Variants in STS observed in about 807,000 individuals in gnomAD.
STS encodes steroid sulfatase.
A neutral mutation model predicts 26.8 loss-of-function variants in STS; 7 were observed. That is an observed-to-expected ratio of 0.26 (90% CI 0.15 to 0.49). STS has a LOEUF of 0.49. Among genes scored for constraint, STS ranks in the 20% least tolerant of loss-of-function variants. The pLI is 0.98. For synonymous variants in STS, 199 were observed against 189.4 expected, an observed-to-expected ratio of 1.05 and a Z score of -0.42; for missense variants, 434 against 465.6, an observed-to-expected ratio of 0.93 and a Z score of 0.63.
intron 1 of STS, among the ~76,000 whole-genome samples, chrX:7,181,696 A>G (rs1428781366): frequency 8.9e-6 from 1 of 112,123 alleles, no homozygotes; most frequent in African/African-American, 3.2e-5. Context: ...AAAACTTGGC[A>G]GCAGTTTCAG....
intron 1 of STS, among the ~76,000 whole-genome samples, chrX:7,157,995 G>C (rs1933169205): frequency 8.9e-6 from 1 of 112,314 alleles, no homozygotes; most frequent in Non-Finnish European, 1.9e-5. Flanking sequence ...AGCAAGGAGA[G>C]AAGTGGGGGC....
At chrX:7,215,214 A>G (rs188744387) in intron 2 of STS, among the ~76,000 whole-genome samples, 10 of 104,236 alleles carry the variant, frequency 9.6e-5, no homozygotes, top group African/African-American at 3.2e-4. Context: ...CTGGTTCCAC[A>G]TTTTTGCAAT....
chrX:7,254,007 G>A (rs1322108255), intron 3 of STS, among the ~76,000 whole-genome samples: 2 of 112,041 alleles, frequency 1.8e-5, no homozygotes, highest in Non-Finnish European at 3.8e-5. Context: ...GAAGGGGGGA[G>A]GGAGCTCTCT....
intron 7 of STS, among the ~76,000 whole-genome samples, chrX:7,297,673 C>T (rs1353676481): frequency 9.0e-6 from 1 of 111,646 alleles, no homozygotes; most frequent in Non-Finnish European, 1.9e-5. Context: ...GCATTGGGTA[C>T]GTCCACCCAT....
At chrX:7,299,187 T>C (rs1461078372) in intron 7 of STS, among the ~76,000 whole-genome samples, 2 of 95,640 alleles carry the variant, frequency 2.1e-5, no homozygotes, top group African/African-American at 7.8e-5. Flanking sequence ...AGTATATAAA[T>C]ATATAAATAT....
At chrX:7,151,770 C>T (rs1272591385) in intron 1 of STS, among the ~76,000 whole-genome samples, 1 of 110,725 alleles carries the variant, frequency 9.0e-6, no homozygotes, top group Non-Finnish European at 1.9e-5. Flanking sequence ...CTGGCAGTGC[C>T]AGCATCCCCT....
intron 2 of STS, among the ~76,000 whole-genome samples, chrX:7,222,528 C>CAAAAA (rs770658761): frequency 5.3e-4 from 21 of 39,383 alleles, no homozygotes; most frequent in African/African-American, 6.9e-4. Flanking sequence ...CCCTCAGCTG[C>CAAAAA]AAAAAAAAAA....
intron 2 of STS, among the ~76,000 whole-genome samples, chrX:7,228,364 C>T (rs1206110512): frequency 8.9e-6 from 1 of 111,896 alleles, no homozygotes; most frequent in Non-Finnish European, 1.9e-5. Context: ...AGAAATTCTC[C>T]ACATCCCCAC....
chrX:7,190,153 A>G (rs764318082), intron 1 of STS, among the ~76,000 whole-genome samples: 40 of 110,383 alleles, frequency 3.6e-4, no homozygotes, highest in Non-Finnish European at 6.6e-4. Flanking sequence ...ACAACTCACC[A>G]TAATGTGGAA....
At chrX:7,161,334 A>G (rs148094460) in intron 1 of STS, among the ~76,000 whole-genome samples, 1,169 of 111,981 alleles carry the variant, frequency 0.01, 8 homozygotes, top group Middle Eastern at 0.061. Flanking sequence ...CACTTTTTAC[A>G]GTATACTTGT....
intron 9 of STS, among the ~76,000 whole-genome samples, chrX:7,326,034 G>A (rs1927445847): frequency 8.9e-6 from 1 of 111,786 alleles, no homozygotes. Flanking sequence ...CTGGCTTTGG[G>A]GATCAGGGGT....
rs184606307 is a variant in STS at position 7,301,039 on chromosome X, C to T, written c.944-4007C>T. 9.0e-5 allele frequency among the ~76,000 whole-genome samples: 10 copies of T among 111,129 alleles called. No individual in the cohort carries two copies. In the East Asian group the frequency reaches 2.8e-3, roughly 31 times the overall value. On this transcript the variant is annotated intron_variant, in intron 7 of 10. Transcript: ENST00000674429. ...AACTCTGTGACACCCCAGCCTTTAG[C>T]ACACAGCCCGTGTAAGGTGGGCACT...
chrX:7,235,184 A>C (rs1922257602), intron 2 of STS, among the ~76,000 whole-genome samples: 2 of 112,268 alleles, frequency 1.8e-5, no homozygotes, highest in Admixed American at 1.9e-4. Context: ...AGCAAGAGAG[A>C]AATGGCTCCT....
At chrX:7,327,373 ATTCTTTTTTTTT>A (rs1481746520) in intron 9 of STS, among the ~76,000 whole-genome samples, 7 of 100,822 alleles carry the variant, frequency 6.9e-5, no homozygotes, top group South Asian at 4.6e-4. Context: ...TTGAATTCAT[ATTCTTTTTTTTT>A]TTCTTTTTTT....
intron 10 of STS, among the ~76,000 whole-genome samples, chrX:7,342,828 A>T (rs777730490): frequency 2.7e-5 from 3 of 112,070 alleles, no homozygotes; most frequent in South Asian, 7.4e-4. Context: ...AGGTATGGAC[A>T]CACTGTAAAA....
At chrX:7,212,016 T>C (rs1921054665) in intron 2 of STS, among the ~76,000 whole-genome samples, 1 of 112,343 alleles carries the variant, frequency 8.9e-6, no homozygotes, top group South Asian at 3.7e-4. Flanking sequence ...AATGTATTCC[T>C]TCCCTTTGCA....
Position 7,345,332 on chromosome X carries a change from G to T in STS, c.1364-4556G>T, listed in dbSNP as rs1356066163. ...TTCTAAGCTATTAGTCTATGTGTAAGTGTGCATTCATCTAAAGATATAAGT... is the reference window on the plus strand; with the variant it reads ...TTCTAAGCTATTAGTCTATGTGTAATTGTGCATTCATCTAAAGATATAAGT... On this transcript the variant is annotated intron_variant, in intron 10 of 10. Coordinates refer to ENST00000674429, the MANE Select transcript of STS (RefSeq NM_001320752.2). 4.5e-5 allele frequency among the ~76,000 whole-genome samples: 5 copies of T among 111,768 alleles called. No individual in the cohort carries two copies. In the Admixed American group the frequency reaches 4.7e-4, roughly 11 times the overall value.
chrX:7,233,091 C>CTTTTTTT (rs3077766), intron 2 of STS, among the ~76,000 whole-genome samples: 111 of 69,785 alleles, frequency 1.6e-3, no homozygotes, highest in Admixed American at 2.0e-3. Flanking sequence ...TTCTTTTTTT[C>CTTTTTTT]TTTTTTTTTT....
intron 10 of STS, among the ~76,000 whole-genome samples, chrX:7,346,931 T>C (rs1384650689): frequency 4.5e-5 from 5 of 110,402 alleles, no homozygotes; most frequent in African/African-American, 1.7e-4. Flanking sequence ...TAGCTGGGCC[T>C]GGTGGCATAC....
Sources: gnomAD v4.1 joint callset for allele counts (sites outside exome capture counted in the v4.1 genomes callset) on GRCh38, gnomAD v4.1.1 for gene constraint, MANE v1.5 for transcripts, NCBI Gene and HGNC (gene_info 2026-07-23, HGNC 2026-07-21) for gene names.